The following CSMD1 variants were observed in gnomAD, a reference collection of about 807,000 sequenced individuals.
CSMD1 encodes CUB and Sushi multiple domains 1, also known as CUB and sushi domain-containing protein 1.
CSMD1 carries 213 observed loss-of-function variants against 417.5 expected under a neutral mutation model. The ratio of observed to expected loss-of-function variants is 0.51; its 90% CI spans 0.46 to 0.57. The LOEUF is 0.57. CSMD1 is among the 20% of genes least tolerant of loss of function. The pLI is 0.00. For synonymous variants in CSMD1, 2,862 were observed against 1,736.8 expected (o/e 1.65, Z -16.11); for missense variants, 6,923 against 4,529.7 (o/e 1.53, Z -15.17).
At chr8:3,550,085 G>GC (rs1798843178) in intron 10 of CSMD1, among the ~76,000 whole-genome samples, 1 of 152,076 alleles carries the variant, frequency 6.6e-6, no homozygotes, top group Non-Finnish European at 1.5e-5. Flanking sequence ...CAAGAAAAAA[G>GC]AAAGCAAAGC....
intron 41 of CSMD1, among the ~76,000 whole-genome samples, chr8:3,124,054 G>A (rs2129021996): frequency 6.6e-6 from 1 of 152,264 alleles, no homozygotes; most frequent in African/African-American, 2.4e-5. Flanking sequence ...TAAGCCCAAT[G>A]GCTGCGGGCT....
At chr8:4,160,572 C>A (rs1176838418) in intron 3 of CSMD1, among the ~76,000 whole-genome samples, 2 of 152,200 alleles carry the variant, frequency 1.3e-5, no homozygotes, top group African/African-American at 2.4e-5. Context: ...CGTTTCTCAT[C>A]TTGCATGAGG....
chr8:4,955,959 C>A (rs767313630), intron 1 of CSMD1, among the ~76,000 whole-genome samples: 2 of 152,170 alleles, frequency 1.3e-5, no homozygotes, highest in Non-Finnish European at 2.9e-5. Flanking sequence ...GTTTGAGAAA[C>A]GCTGTGCTGC....
Position 2,978,628 on chromosome 8 carries a change from G to A in CSMD1, c.8550C>T (p.Ser2850=). ...TCMANGLWDR[S]LPKCLAISCG... Reference sequence around the variant, plus strand: ...CTGACTTACCCAAACACTTGGGCAGGGATCGGTCCCATAAGCCATTTGCCA... The same window carrying A: ...CTGACTTACCCAAACACTTGGGCAGAGATCGGTCCCATAAGCCATTTGCCA... Residue 2850 remains serine (S), a synonymous_variant, in exon 55 of 70, where the codon TCC becomes TCT. Transcript: ENST00000635120. The A allele has an allele frequency of 6.3e-6, 10 of 1,594,198 alleles. No individual in the cohort carries two copies. Among genetic ancestry groups the A allele is most frequent in the Non-Finnish European group, 8.5e-6 (10 of 1,169,874 alleles).
intron 7 of CSMD1, among the ~76,000 whole-genome samples, chr8:3,671,527 T>TA (rs1799047212): frequency 4.7e-4 from 1 of 2,144 alleles, no homozygotes; most frequent in Non-Finnish European, 8.4e-4. Context: ...ATATATATGA[T>TA]CATATATATA....
intron 1 of CSMD1, among the ~76,000 whole-genome samples, chr8:4,817,775 G>A (rs994895100): frequency 2.0e-5 from 3 of 152,188 alleles, no homozygotes; most frequent in African/African-American, 4.8e-5. Flanking sequence ...TACTCTCAAT[G>A]TGATTAGAAA....
intron 13 of CSMD1, among the ~76,000 whole-genome samples, chr8:3,408,707 T>G (rs1812501696): frequency 6.6e-6 from 1 of 152,096 alleles, no homozygotes; most frequent in Non-Finnish European, 1.5e-5. Flanking sequence ...AATAAATAAA[T>G]AACTTGGAAA....
At chr8:3,936,640 T>C (rs769960959) in intron 5 of CSMD1, among the ~76,000 whole-genome samples, 22 of 152,142 alleles carry the variant, frequency 1.4e-4, no homozygotes, top group Non-Finnish European at 1.6e-4. Context: ...CAGAAAAAGA[T>C]TCCTTTCTAA....
rs1276250147 is a variant in CSMD1 at position 2,967,677 on chromosome 8, G to A, written c.8924-931C>T. 2.6e-5 allele frequency among the ~76,000 whole-genome samples: 4 copies of A among 152,244 alleles called. No individual in the cohort carries two copies. In the East Asian group the frequency reaches 5.8e-4, roughly 22 times the overall value. ...TAACAAGAATATATATCATGAGACT[G>A]CCTCTGAGCTGATCAAAATATTTAA... On this transcript the variant is annotated intron_variant, in intron 57 of 69. Coordinates refer to ENST00000635120, the MANE Select transcript of CSMD1 (RefSeq NM_033225.6).
chr8:3,333,715 G>C (rs1447819860), intron 23 of CSMD1, among the ~76,000 whole-genome samples: 1 of 152,084 alleles, frequency 6.6e-6, no homozygotes, highest in African/African-American at 2.4e-5. Flanking sequence ...CTGGTTCTTA[G>C]CATGGTTGTG....
chr8:3,585,320 C>T lies in CSMD1; in HGVS notation c.1222+816G>A, dbSNP rs2116994711. Among the ~76,000 whole-genome samples, 2 of 152,300 alleles carry T rather than the reference C, an allele frequency of 1.3e-5. 1 individual carries two copies. The highest frequency in any genetic ancestry group is 3.9e-4 in the East Asian group (2 of 5,174). On this transcript the variant is annotated intron_variant, in intron 9 of 69. Coordinates refer to ENST00000635120, the MANE Select transcript of CSMD1 (RefSeq NM_033225.6). The stretch of plus-strand genomic sequence containing the variant: ...GTATAAGTCCATTCACGTGAAAAGA[C>T]TATATGGAAAGATAAGGTATTCTTA...
chr8:4,810,557 G>C (rs759179273), intron 1 of CSMD1, among the ~76,000 whole-genome samples: 1 of 152,214 alleles, frequency 6.6e-6, no homozygotes, highest in African/African-American at 2.4e-5. Context: ...GCGCGTATGT[G>C]TGTGTATGTG....
chr8:3,206,708 C>A (rs887999642), intron 30 of CSMD1, among the ~76,000 whole-genome samples: 2 of 150,896 alleles, frequency 1.3e-5, no homozygotes, highest in African/African-American at 4.9e-5. Context: ...GGGGTTATGT[C>A]TGTGTGAATG....
intron 3 of CSMD1, among the ~76,000 whole-genome samples, chr8:4,117,167 C>G (rs1209049893): frequency 1.3e-5 from 2 of 151,954 alleles, no homozygotes; most frequent in Admixed American, 1.3e-4. Flanking sequence ...CTCGAATTAT[C>G]TGAGTATTAT....
chr8:4,741,651 A>C (rs890061300), intron 1 of CSMD1, among the ~76,000 whole-genome samples: 2 of 152,184 alleles, frequency 1.3e-5, no homozygotes, highest in African/African-American at 4.8e-5. Flanking sequence ...GAGTTTACTT[A>C]GGAATTTAAG....
chr8:4,943,445 G>A (rs548057751), intron 1 of CSMD1, among the ~76,000 whole-genome samples: 1 of 151,778 alleles, frequency 6.6e-6, no homozygotes, highest in Non-Finnish European at 1.5e-5. Context: ...GCAGTGAGCT[G>A]AGGTCGCACC....
chr8:3,954,091 G>A (rs75686376), intron 5 of CSMD1, among the ~76,000 whole-genome samples: 3,229 of 152,076 alleles, frequency 0.021, 72 homozygotes, highest in East Asian at 0.11. Flanking sequence ...GCTCGTGCAG[G>A]GGCCTAGGAA....
chr8:3,607,339 G>A (rs1361469427), intron 8 of CSMD1, among the ~76,000 whole-genome samples: 1 of 152,168 alleles, frequency 6.6e-6, no homozygotes, highest in Non-Finnish European at 1.5e-5. Context: ...GATACCACCT[G>A]AAGGACCTGC....
chr8:4,841,460 C>G (rs2118577), intron 1 of CSMD1, among the ~76,000 whole-genome samples: 1 of 151,812 alleles, frequency 6.6e-6, no homozygotes, highest in African/African-American at 2.4e-5. Flanking sequence ...CAGTGTTAAA[C>G]GAATAAACTA....
Sources: allele counts gnomAD v4.1 joint callset (sites outside exome capture counted in the v4.1 genomes callset), GRCh38; gene constraint gnomAD v4.1.1; transcripts MANE v1.5; gene names NCBI Gene and HGNC (gene_info 2026-07-23, HGNC 2026-07-21).